ZSCAN30: variants seen among roughly 807,000 people sequenced by gnomAD.
ZSCAN30 encodes the protein zinc finger and SCAN domain containing 30.
In ZSCAN30, 37 loss-of-function variants were observed where a neutral mutation model predicts 44.3. The observed-to-expected ratio is 0.84, with a 90% confidence interval of 0.64 to 1.10. The LOEUF is 1.10. Ranked by LOEUF, ZSCAN30 falls within the 50% of genes least tolerant of loss-of-function variation. ZSCAN30 has a pLI of 0.00. For missense variants in ZSCAN30, 549 were observed against 582.6 expected (o/e 0.94, Z 0.59); for synonymous variants, 181 against 204.6 (o/e 0.88, Z 0.98).
intron 3 of ZSCAN30, chr18:35,256,164 A>G (rs2043805665): frequency 6.6e-6 from 1 of 152,482 alleles, no homozygotes; most frequent in Admixed American, 6.5e-5. Flanking sequence ...CATCAGGAAG[A>G]CATCAAGATT....
chr18:35,277,359 G>A (rs892840938), intron 1 of ZSCAN30, among the ~76,000 whole-genome samples: 2 of 152,044 alleles, frequency 1.3e-5, no homozygotes, highest in African/African-American at 4.8e-5. Context: ...AGGGGCCAGG[G>A]GCAAAATGAT....
chr18:35,278,099 TTA>T (rs3084116), intron 1 of ZSCAN30, among the ~76,000 whole-genome samples: 129,538 of 152,036 alleles, frequency 0.85, 55,944 homozygotes, highest in Non-Finnish European at 0.93. Flanking sequence ...GTTATTTATA[TTA>T]TGTTATTTAA....
At chr18:35,289,661 G>T (rs545943576) in intron 1 of ZSCAN30, 1 of 152,304 alleles carries the variant, frequency 6.6e-6, no homozygotes, top group South Asian at 2.1e-4. Context: ...AGTGAGAATT[G>T]TTCTAGCAAG....
intron 1 of ZSCAN30, among the ~76,000 whole-genome samples, chr18:35,288,557 C>T (rs960242557): frequency 6.6e-6 from 1 of 152,120 alleles, no homozygotes; most frequent in African/African-American, 2.4e-5. Flanking sequence ...AACCCAAATG[C>T]CCATGAACTG....
Position 35,264,463 on chromosome 18 carries a change from T to A in ZSCAN30, c.-103-8A>T. ...CAACTCCCCAGGACGCTCCTGAGGG[T>A]GGACAATGCTCATGTTACACAGGGA... On this transcript the variant is annotated splice_polypyrimidine_tract_variant and splice_region_variant and intron_variant, in intron 1 of 3. Coordinates refer to ENST00000333206, the MANE Select transcript of ZSCAN30 (RefSeq NM_001112734.4). 6 of 1,085,198 alleles carry A rather than the reference T, an allele frequency of 5.5e-6. No individual in the cohort carries two copies. The highest frequency in any genetic ancestry group is 6.5e-6 in the Non-Finnish European group (5 of 767,434). The allele number at this position is 1,085,198 out of a possible 1,614,324, so 67.2% of individuals were successfully genotyped here. A position where few individuals can be genotyped will look rare whatever the true frequency, so the allele number is the denominator to read the frequency against.
At chr18:35,276,682 T>G (rs1483066776) in intron 1 of ZSCAN30, among the ~76,000 whole-genome samples, 1 of 152,230 alleles carries the variant, frequency 6.6e-6, no homozygotes, top group Non-Finnish European at 1.5e-5. Flanking sequence ...AGAGGATATA[T>G]GAAATGCCTG....
intron 1 of ZSCAN30, chr18:35,269,254 T>C (rs747058879): frequency 2.6e-5 from 4 of 152,214 alleles, no homozygotes; most frequent in Non-Finnish European, 4.4e-5. Context: ...TAATGCTATC[T>C]TGAAGTGAAA....
At chr18:35,276,037 T>A (rs1335491097) in intron 1 of ZSCAN30, among the ~76,000 whole-genome samples, 2 of 152,242 alleles carry the variant, frequency 1.3e-5, no homozygotes, top group Non-Finnish European at 2.9e-5. Flanking sequence ...AAAATCCTTT[T>A]TTATATGTTA....
Position 35,264,580 on chromosome 18 carries a change from C to A in ZSCAN30, c.-103-125G>T, listed in dbSNP as rs549011291. On this transcript the variant is annotated intron_variant, in intron 1 of 3. Transcript: ENST00000333206. ...AAGAAAACTGACTAACAGGGCACTT[C>A]CACATAAATGATACATTTATAGATG... 519 of 495,994 alleles carry A rather than the reference C, an allele frequency of 1.0e-3. 1 individual carries two copies. Among genetic ancestry groups the A allele is most frequent in the Non-Finnish European group, 1.5e-3 (424 of 282,130 alleles). The allele number at this position is 495,994 out of a possible 1,614,324, so 30.7% of individuals were successfully genotyped here.
At chr18:35,277,260 T>G (rs1205417968) in intron 1 of ZSCAN30, among the ~76,000 whole-genome samples, 1 of 152,146 alleles carries the variant, frequency 6.6e-6, no homozygotes, top group Non-Finnish European at 1.5e-5. Flanking sequence ...GATTTGGACT[T>G]TTGGGTTAAT....
At chr18:35,270,567 C>T (rs966534829) in intron 1 of ZSCAN30, among the ~76,000 whole-genome samples, 15 of 152,108 alleles carry the variant, frequency 9.9e-5, no homozygotes, top group Non-Finnish European at 2.2e-4. Context: ...CTCTTTGGTT[C>T]AAGTTCACAT....
At chr18:35,288,038 A>AT (rs1405849306) in intron 1 of ZSCAN30, among the ~76,000 whole-genome samples, 1 of 151,574 alleles carries the variant, frequency 6.6e-6, no homozygotes, top group Admixed American at 6.6e-5. Flanking sequence ...ACATCCGACA[A>AT]TTTTTTGTAT....
At chr18:35,258,305 T>TA (rs1298564283) in intron 3 of ZSCAN30, 1 of 292,516 alleles carries the variant, frequency 3.4e-6, no homozygotes, top group Non-Finnish European at 6.4e-6. Flanking sequence ...ATTGGAGAGA[T>TA]AGAGTCACTA....
chr18:35,257,931 T>C, intron 3 of ZSCAN30: 1 of 781,082 alleles, frequency 1.3e-6, no homozygotes, highest in Non-Finnish European at 2.4e-6. Context: ...ATTACAGATT[T>C]TTCCTGAAGA....
chr18:35,268,969 C>A (rs978204783), intron 1 of ZSCAN30: 3 of 152,078 alleles, frequency 2.0e-5, no homozygotes, highest in African/African-American at 4.8e-5. Context: ...TAGTTTGTCT[C>A]AGAAAAGAAG....
rs747468211 is a variant in ZSCAN30, at chr18:35,263,630, A to T, written c.436T>A (p.Trp146Arg). ...GCTCCTGTGGATGTCATTTCCTGCC[A>T]GAACATTTCTTGGCCATGAGTTGTG... Reference protein sequence around the residue: ...QDTTHGQEMFWQEMTSTGALK... With the variant: ...QDTTHGQEMFRQEMTSTGALK... The change falls in exon 3 of 4, where the codon TGG (tryptophan) becomes AGG (arginine). Residue 146 changes from tryptophan (W) to arginine (R), a missense_variant. Trp to Arg is a moderately radical substitution (Grantham distance 101, BLOSUM62 -3). Transcript: ENST00000333206. 4 of 1,614,070 alleles carry T rather than the reference A, an allele frequency of 2.5e-6. No individual in the cohort carries two copies. Among genetic ancestry groups the T allele is most frequent in the Non-Finnish European group, 2.5e-6 (3 of 1,180,042 alleles).
rs2043575074 is a variant in ZSCAN30 at position 35,251,076 on chromosome 18, T to C, written c.*2374A>G. 1 of 152,200 alleles carries C rather than the reference T, an allele frequency of 6.6e-6. No homozygotes were observed. Among genetic ancestry groups the C allele is most frequent in the Admixed American group, 6.5e-5 (1 of 15,278 alleles). 9.4% of individuals were successfully genotyped at this position (152,200 alleles called of 1,614,324 possible). On this transcript the variant is annotated 3_prime_UTR_variant, in exon 4 of 4. Transcript: ENST00000333206. ...TCAAAGCAAACTTTTAAAACTCAAGTTTTATTGCAATACATCTTGCATTAC... is the reference window on the plus strand; with the variant it reads ...TCAAAGCAAACTTTTAAAACTCAAGCTTTATTGCAATACATCTTGCATTAC...
At chr18:35,280,846 TTTGA>T (rs1417302061) in intron 1 of ZSCAN30, 2 of 152,234 alleles carry the variant, frequency 1.3e-5, no homozygotes, top group Non-Finnish European at 2.9e-5. Context: ...GCTTCACAAT[TTTGA>T]TTTATTTCCT....
intron 1 of ZSCAN30, among the ~76,000 whole-genome samples, chr18:35,277,635 C>T (rs1024854111): frequency 1.3e-5 from 2 of 152,156 alleles, no homozygotes; most frequent in African/African-American, 2.4e-5. Context: ...CGAAGCCTCC[C>T]CAGTCATGCT....
Sources: gnomAD v4.1 joint callset for allele counts (sites outside exome capture counted in the v4.1 genomes callset) on GRCh38, gnomAD v4.1.1 for gene constraint, MANE v1.5 for transcripts, NCBI Gene and HGNC (gene_info 2026-07-23, HGNC 2026-07-21) for gene names.